Variants in ELL2 observed in about 807,000 individuals in gnomAD.
ELL2 encodes RNA polymerase II elongation factor ELL2.
A neutral mutation model predicts 72.8 loss-of-function variants in ELL2; 21 were observed. The observed-to-expected ratio is 0.29, with a 90% CI of 0.20 to 0.42. The LOEUF (loss-of-function observed/expected upper bound fraction) is 0.42. Ranked by LOEUF, ELL2 falls within the 10% of genes least tolerant of loss-of-function variation. The probability of loss-of-function intolerance (pLI) is 1.00; values close to 1 mark genes in which losing one functional copy is unlikely to be tolerated. For missense variants in ELL2, 568 were observed against 772.8 expected (o/e 0.73, Z 3.14); for synonymous variants, 266 against 283.2 (o/e 0.94, Z 0.61).
chr5:95,957,198 G>A (rs998470824), intron 1 of ELL2, among the ~76,000 whole-genome samples: 1 of 152,132 alleles, frequency 6.6e-6, no homozygotes, highest in South Asian at 2.1e-4. Context: ...TATAGTTTTT[G>A]TTATAAAAGT....
intron 2 of ELL2, among the ~76,000 whole-genome samples, chr5:95,935,922 A>G (rs1334533157): frequency 6.6e-6 from 1 of 152,210 alleles, no homozygotes; most frequent in African/African-American, 2.4e-5. Context: ...ATCTGACCAC[A>G]TGACTCCCTG....
At chr5:95,899,121 C>T (rs1484458375) in intron 7 of ELL2, among the ~76,000 whole-genome samples, 1 of 152,196 alleles carries the variant, frequency 6.6e-6, no homozygotes. Flanking sequence ...CAGCTTTACC[C>T]TAAGTTCCAA....
chr5:95,959,558 C>A (rs961844889), intron 1 of ELL2, among the ~76,000 whole-genome samples: 3 of 152,234 alleles, frequency 2.0e-5, no homozygotes, highest in Non-Finnish European at 4.4e-5. Flanking sequence ...TGGCTTCCCC[C>A]ATATGGGCCT....
intron 9 of ELL2, among the ~76,000 whole-genome samples, chr5:95,894,983 T>G (rs976770339): frequency 1.3e-5 from 2 of 152,232 alleles, no homozygotes; most frequent in Non-Finnish European, 2.9e-5. Context: ...TGCAACTTAA[T>G]TATTTTCTTC....
intron 3 of ELL2, among the ~76,000 whole-genome samples, chr5:95,914,178 A>G (rs1749702244): frequency 6.6e-6 from 1 of 152,150 alleles, no homozygotes; most frequent in Non-Finnish European, 1.5e-5. Context: ...AATTTTGAAA[A>G]AGAAAAAAAA....
chr5:95,895,764 A>T, intron 8 of ELL2, 73 bp from the exon 9 acceptor site: 1 of 1,166,942 alleles, frequency 8.6e-7, no homozygotes, highest in Non-Finnish European at 1.3e-6. Context: ...ATTCTAAAAT[A>T]GATTAGAAAC....
intron 1 of ELL2, among the ~76,000 whole-genome samples, chr5:95,953,319 C>T (rs1305884352): frequency 3.9e-5 from 6 of 152,160 alleles, no homozygotes; most frequent in African/African-American, 1.4e-4. Flanking sequence ...GGTAGTTTAA[C>T]TCTACCTCTT....
chr5:95,927,068 T>C (rs1038724616), intron 2 of ELL2, among the ~76,000 whole-genome samples: 8 of 152,104 alleles, frequency 5.3e-5, no homozygotes, highest in African/African-American at 1.9e-4. Flanking sequence ...ATTCCACACA[T>C]ATTAACTGAG....
Position 95,961,630 on chromosome 5 carries a change from T to A in ELL2, c.92A>T (p.His31Leu). 1 of 1,609,258 alleles carries A rather than the reference T, an allele frequency of 6.2e-7. No homozygotes were observed. The highest frequency in any genetic ancestry group is 8.5e-7 in the Non-Finnish European group (1 of 1,178,348). ...RLGQDNITVL[H>L]VKLTETAIRA... ...GATCGCCGTCTCGGTGAGCTTCACA[T>A]GCAGTACGGTGATGTTGTCCTGCCC... The change falls in exon 1 of 12, where the codon CAT becomes CTT. Residue 31 changes from histidine to leucine, a missense_variant. By Grantham distance (99) the His-to-Leu change is moderately conservative (BLOSUM62 -3). This residue lies in a region of ELL2 where 57 missense variants were observed against 44.4 expected (regional missense o/e 1.28). Coordinates refer to ENST00000237853, the MANE Select transcript of ELL2 (RefSeq NM_012081.6).
chr5:95,911,204 T>A (rs932963570), intron 4 of ELL2, among the ~76,000 whole-genome samples: 1 of 151,796 alleles, frequency 6.6e-6, no homozygotes, highest in Non-Finnish European at 1.5e-5. Context: ...GAGAAAGAGC[T>A]GGCAATGGAT....
intron 2 of ELL2, among the ~76,000 whole-genome samples, chr5:95,931,831 C>G (rs1750612255): frequency 7.2e-6 from 1 of 138,678 alleles, no homozygotes; most frequent in Non-Finnish European, 1.5e-5. Context: ...ATACTGCTTT[C>G]AGATTCCCAG....
chr5:95,909,041 A>AT (rs1467797326), intron 4 of ELL2, among the ~76,000 whole-genome samples: 1 of 152,206 alleles, frequency 6.6e-6, no homozygotes, highest in South Asian at 2.1e-4. Context: ...TGTACCTCTG[A>AT]TTCACCTCTG....
chr5:95,938,154 A>C (rs929127261), intron 2 of ELL2, among the ~76,000 whole-genome samples: 1 of 152,212 alleles, frequency 6.6e-6, no homozygotes, highest in Non-Finnish European at 1.5e-5. Context: ...GGATAAAAAA[A>C]CGAGAAGAAA....
In ELL2 at chr5:95,886,095, A is replaced by G. The variant is rs1056796147; in HGVS notation, c.*2776T>C. 1 of 152,114 alleles carries G rather than the reference A, an allele frequency of 6.6e-6. No individual in the cohort carries two copies. Among genetic ancestry groups the G allele is most frequent in the African/African-American group, 2.4e-5 (1 of 41,422 alleles). 9.4% of individuals were successfully genotyped at this position (152,114 alleles called of 1,614,324 possible). On this transcript the variant is annotated 3_prime_UTR_variant, in exon 12 of 12. Transcript: ENST00000237853. ...ATACAACTCATTCTCTAATCTTGCT[A>G]TTTTTCACACCATCCTTCCAAAAAA...
At chr5:95,906,196 T>C (rs1337535949) in intron 5 of ELL2, among the ~76,000 whole-genome samples, 1 of 152,116 alleles carries the variant, frequency 6.6e-6, no homozygotes, top group African/African-American at 2.4e-5. Context: ...CCGACAATAA[T>C]CAATACAAAT....
intron 2 of ELL2, among the ~76,000 whole-genome samples, chr5:95,938,672 T>C (rs955356386): frequency 1.3e-5 from 2 of 152,120 alleles, no homozygotes; most frequent in African/African-American, 4.8e-5. Context: ...CAGTAAGCTA[T>C]GATTGTGCCA....
chr5:95,908,160 G>A (rs1749447159), intron 4 of ELL2, among the ~76,000 whole-genome samples: 1 of 152,206 alleles, frequency 6.6e-6, no homozygotes, highest in Non-Finnish European at 1.5e-5. Flanking sequence ...GAGTTTCAGA[G>A]ATAGATTTAG....
rs183241015 is a variant in ELL2 at position 95,892,819 on chromosome 5, G to A, written c.1590-1545C>T. Reference sequence around the variant, plus strand: ...TTTTATTCATGCTGAATTAGACAGTGTAGAGGTTTAATTTTCTAAGTATAA... The same window carrying A: ...TTTTATTCATGCTGAATTAGACAGTATAGAGGTTTAATTTTCTAAGTATAA... On this transcript the variant is annotated intron_variant, in intron 9 of 11. Transcript: ENST00000237853. Among the ~76,000 whole-genome samples the A allele has an allele frequency of 1.5e-4, 23 of 152,296 alleles. No homozygotes were observed. The East Asian group carries it at 4.0e-3, about 27-fold the overall frequency.
intron 2 of ELL2, among the ~76,000 whole-genome samples, chr5:95,935,545 T>A (rs1750744109): frequency 6.6e-6 from 1 of 152,212 alleles, no homozygotes; most frequent in Non-Finnish European, 1.5e-5. Context: ...ACGACTAAGG[T>A]TCCAGGTATA....
Sources: gnomAD v4.1 joint callset for allele counts (sites outside exome capture counted in the v4.1 genomes callset) on GRCh38, gnomAD v4.1.1 for gene constraint, gnomAD v4.1.1 regional missense constraint, MANE v1.5 for transcripts, NCBI Gene and HGNC (gene_info 2026-07-23, HGNC 2026-07-21) for gene names.